FRMPD3: variants seen among roughly 807,000 people sequenced by gnomAD.
The protein encoded by FRMPD3 is FERM and PDZ domain containing 3, also known as FERM and PDZ domain-containing protein 3.
FRMPD3 carries 42 observed loss-of-function variants against 97.9 expected under a neutral mutation model. The observed-to-expected ratio is 0.43, with a 90% CI of 0.34 to 0.55. FRMPD3 has a LOEUF of 0.55. Ranked by LOEUF, FRMPD3 falls within the 20% of genes least tolerant of loss-of-function variation. The pLI is 0.03. For missense variants in FRMPD3, 1,303 were observed against 1,457.7 expected (o/e 0.89, Z 1.73); for synonymous variants, 577 against 581.1 (o/e 0.99, Z 0.10).
At chrX:107,503,970 G>T (rs980331553) in intron 1 of FRMPD3, among the ~76,000 whole-genome samples, 8 of 112,751 alleles carry the variant, frequency 7.1e-5, no homozygotes, top group Non-Finnish European at 1.3e-4. Flanking sequence ...TGACCTGGGA[G>T]GCCTGAATCA....
Position 107,597,995 on chromosome X carries a change from C to T in FRMPD3, c.2116C>T (p.Pro706Ser). ...GCGTGGGCTTCTGTACGATGAGATT[C>T]CAGTGACATTGATTGACAGTGTGCA... is the stretch of plus-strand genomic sequence containing the variant. ...HLRGLLYDEIPVTLIDSVQTR... is the reference protein window; with the variant it reads ...HLRGLLYDEISVTLIDSVQTR... Residue 706 changes from proline to serine, a missense_variant, in exon 14 of 15, where the codon CCA (proline) becomes TCA (serine). Pro to Ser is a moderately conservative substitution (Grantham distance 74). Transcript: ENST00000683843. 1 of 1,210,597 alleles carries T rather than the reference C, an allele frequency of 8.3e-7. No individual in the cohort carries two copies. The highest frequency in any genetic ancestry group is 1.1e-6 in the Non-Finnish European group (1 of 895,371).
intron 3 of FRMPD3, among the ~76,000 whole-genome samples, chrX:107,532,150 G>A (rs1922997939): frequency 8.8e-6 from 1 of 113,017 alleles, no homozygotes; most frequent in Admixed American, 9.3e-5. Flanking sequence ...GCTGATAAAT[G>A]TTATTAAGAA....
chrX:107,582,718 A>G (rs1445852437), intron 13 of FRMPD3, among the ~76,000 whole-genome samples: 2 of 112,504 alleles, frequency 1.8e-5, no homozygotes, highest in Non-Finnish European at 3.8e-5. Context: ...TACTGCCTTG[A>G]TCTATACGTC....
chrX:107,500,159 T>TGGC (rs1417326629), intron 1 of FRMPD3, among the ~76,000 whole-genome samples: 1 of 111,732 alleles, frequency 8.9e-6, no homozygotes, highest in African/African-American at 3.3e-5. Flanking sequence ...AGCTGACACT[T>TGGC]GGCCCCATGA....
chrX:107,564,189 A>G (rs1215470126), intron 11 of FRMPD3, among the ~76,000 whole-genome samples: 2 of 111,796 alleles, frequency 1.8e-5, no homozygotes, highest in South Asian at 7.5e-4. Flanking sequence ...AGCCATTTAC[A>G]TACTGGGATT....
At position 107,577,162 on chromosome X, in the gene FRMPD3, TAAAAAAAAA is replaced by T. The variant is rs1170985688; in HGVS notation, c.1441+723_1441+731del. Among the ~76,000 whole-genome samples, 14 of 32,067 alleles carry T rather than the reference TAAAAAAAAA, an allele frequency of 4.4e-4. No homozygotes were observed. In the East Asian group the frequency reaches 8.2e-3, roughly 19 times the overall value. 27.8% of individuals were successfully genotyped at this position (32,067 alleles called of 115,157 possible). On this transcript the variant is annotated intron_variant, in intron 13 of 14. Coordinates refer to ENST00000683843, the MANE Select transcript of FRMPD3 (RefSeq NM_001388459.1). ...TAACAAGGTGAAACCCTGTCTCTAC[TAAAAAAAAA>T]AAAAAAAAAAAAAAAAAAATACAAA...
At chrX:107,514,117 T>A (rs1381637262) in intron 1 of FRMPD3, among the ~76,000 whole-genome samples, 1 of 111,371 alleles carries the variant, frequency 9.0e-6, no homozygotes, top group Non-Finnish European at 1.9e-5. Context: ...TGGAAATGCC[T>A]TAAGGTGGCA....
chrX:107,580,527 G>A (rs1163547594), intron 13 of FRMPD3, among the ~76,000 whole-genome samples: 1 of 111,480 alleles, frequency 9.0e-6, no homozygotes, highest in Non-Finnish European at 1.9e-5. Context: ...CTCTGCCTGA[G>A]AGGAGTCACC....
At chrX:107,600,192 T>C in intron 14 of FRMPD3, 111 bp from the exon 15 acceptor site, 1 of 998,857 alleles carries the variant, frequency 1.0e-6, no homozygotes, top group Non-Finnish European at 1.3e-6. Context: ...AGTTTTGGAA[T>C]CTTCAGGAGT....
At chrX:107,515,920 A>C (rs1200789232) in intron 1 of FRMPD3, among the ~76,000 whole-genome samples, 1 of 111,252 alleles carries the variant, frequency 9.0e-6, no homozygotes. Context: ...ACATGTGCAC[A>C]ACGTGCAGGT....
chrX:107,494,215 A>G (rs1274803171), intron 1 of FRMPD3, among the ~76,000 whole-genome samples: 2 of 112,211 alleles, frequency 1.8e-5, no homozygotes, highest in Non-Finnish European at 3.8e-5. Flanking sequence ...AGCAGAAGCA[A>G]CAAAGTATAG....
chrX:107,567,011 A>G (rs1386655197), intron 12 of FRMPD3, among the ~76,000 whole-genome samples: 1 of 112,298 alleles, frequency 8.9e-6, no homozygotes, highest in African/African-American at 3.2e-5. Flanking sequence ...CAGAACATGT[A>G]TAGAGCTCTG....
chrX:107,547,590 A>C (rs1921671338), intron 5 of FRMPD3, among the ~76,000 whole-genome samples: 1 of 111,448 alleles, frequency 9.0e-6, no homozygotes, highest in Admixed American at 9.5e-5. Flanking sequence ...TCTGGGTGAG[A>C]GACAGACATC....
intron 1 of FRMPD3, among the ~76,000 whole-genome samples, chrX:107,511,420 G>A (rs1922160675): frequency 8.9e-6 from 1 of 112,684 alleles, no homozygotes; most frequent in Non-Finnish European, 1.9e-5. Flanking sequence ...CTGGAAATCA[G>A]CAGAGGGTGG....
Position 107,601,223 on chromosome X carries a change from A to G in FRMPD3, c.3184A>G (p.Lys1062Glu), listed in dbSNP as rs774078522. 3 of 1,208,685 alleles carry G rather than the reference A, an allele frequency of 2.5e-6. No individual in the cohort carries two copies. The highest frequency in any genetic ancestry group is 3.5e-5 in the African/African-American group (2 of 57,737). Residue 1062 changes from lysine (K) to glutamate (E), a missense_variant, in exon 15 of 15, where the codon AAA becomes GAA. Around this residue, in one of 3 missense-constraint regions of FRMPD3, gnomAD observed 764 missense variants for 820.2 expected, o/e 0.93. Transcript: ENST00000683843. Reference protein sequence around the residue: ...DSLPVQNFPPKSYLLRTSRES... With the variant: ...DSLPVQNFPPESYLLRTSRES... ...TCTGCCTGTTCAAAATTTCCCTCCCAAAAGCTATCTTTTGCGAACAAGCCG... is the reference window on the plus strand; with the variant it reads ...TCTGCCTGTTCAAAATTTCCCTCCCGAAAGCTATCTTTTGCGAACAAGCCG...
rs781138270 is a variant in FRMPD3 at position 107,456,466 on chromosome X, C to T, written c.-8+6461C>T. Among the ~76,000 whole-genome samples the T allele has an allele frequency of 6.2e-5, 7 of 112,314 alleles. No homozygotes were observed. In the South Asian group the frequency reaches 2.6e-3, roughly 42 times the overall value. ...TGCCATGTTTGCTTCACCTATCATGCCAAACATCGATCACATCATTTTATT... is the reference window on the plus strand; with the variant it reads ...TGCCATGTTTGCTTCACCTATCATGTCAAACATCGATCACATCATTTTATT... On this transcript the variant is annotated intron_variant, in intron 1 of 14. Coordinates refer to ENST00000683843, the MANE Select transcript of FRMPD3 (RefSeq NM_001388459.1).
At chrX:107,574,813 G>A (rs770516646) in intron 12 of FRMPD3, among the ~76,000 whole-genome samples, 26 of 112,001 alleles carry the variant, frequency 2.3e-4, no homozygotes, top group African/African-American at 8.1e-4. Context: ...CTCCTCATTG[G>A]TCAGAGAAGG....
In FRMPD3 at chrX:107,600,713, A is replaced by T. The variant is rs1384421065; in HGVS notation, c.2674A>T (p.Ser892Cys). The change falls in exon 15 of 15, where the codon AGT becomes TGT. Residue 892 changes from serine to cysteine, a missense_variant. By Grantham distance (112) the Ser-to-Cys change is moderately radical. Coordinates refer to ENST00000683843, the MANE Select transcript of FRMPD3 (RefSeq NM_001388459.1). ...ACAGCTTAGTGAACAGAAGAATCTG[A>T]GTCTGCTGTCCCCAGTTCCTGAGGA... ...SPQLSEQKNLSLLSPVPEDKG... is the reference protein window; with the variant it reads ...SPQLSEQKNLCLLSPVPEDKG... 1 of 1,203,155 alleles carries T rather than the reference A, an allele frequency of 8.3e-7. No individual in the cohort carries two copies. The highest frequency in any genetic ancestry group is 1.1e-6 in the Non-Finnish European group (1 of 891,469).
At chrX:107,546,546 C>T (rs865870868) in intron 5 of FRMPD3, among the ~76,000 whole-genome samples, 2 of 112,399 alleles carry the variant, frequency 1.8e-5, no homozygotes, top group Non-Finnish European at 3.8e-5. Flanking sequence ...TGGCCAGCCA[C>T]AGTGTTTCTC....
Sources: allele counts gnomAD v4.1 joint callset (sites outside exome capture counted in the v4.1 genomes callset), GRCh38; gene constraint gnomAD v4.1.1; regional missense constraint gnomAD v4.1.1; transcripts MANE v1.5; gene names NCBI Gene and HGNC (gene_info 2026-07-23, HGNC 2026-07-21).